Variants in CFAP69 observed in about 807,000 individuals in gnomAD.
The protein encoded by CFAP69 is cilia and flagella associated protein 69, also known as cilia- and flagella-associated protein 69.
In CFAP69, 92 loss-of-function variants were observed where a neutral mutation model predicts 123.0. The ratio of observed to expected loss-of-function variants is 0.75; its 90% CI spans 0.63 to 0.89. The LOEUF (loss-of-function observed/expected upper bound fraction) is 0.89, where lower values mean the gene tolerates loss of function less well. Ranked by LOEUF, CFAP69 falls within the 40% of genes least tolerant of loss-of-function variation. The pLI is 0.00. For missense variants in CFAP69, 1,067 were observed against 1,096.9 expected (o/e 0.97, Z 0.39); for synonymous variants, 380 against 364.3 (o/e 1.04, Z -0.49).
chr7:90,288,310 T>A lies in CFAP69; in HGVS notation c.1733T>A (p.Leu578Ter). ...KTDPRKLQSG[L>*]GYNVLLFSTL... ...GACCCCAGGAAGTTACAGAGTGGCT[T>A]AGGCTATAATGTACTTCTTTTTAGT... Residue 578 changes from leucine to a stop codon, truncating the protein, a stop_gained, in exon 15 of 23, where the codon TTA becomes TAA. Transcript: ENST00000389297. LOFTEE classifies it high-confidence loss of function. 1 of 1,612,242 alleles carries A rather than the reference T, an allele frequency of 6.2e-7. No homozygotes were observed. The highest frequency in any genetic ancestry group is 8.5e-7 in the Non-Finnish European group (1 of 1,178,698).
Position 90,297,768 on chromosome 7 carries a change from T to C in CFAP69, c.1795T>C (p.Tyr599His). ...DSIWCCILGC[Y>H]PSEDYFLEKE... ...TTTAAGGTGCTGTATTTTGGGATGT[T>C]ATCCCTCAGAGGATTATTTTCTTGA... Residue 599 changes from tyrosine to histidine, a missense_variant, in exon 16 of 23, where the codon TAT becomes CAT. Coordinates refer to ENST00000389297, the MANE Select transcript of CFAP69 (RefSeq NM_001039706.3). The C allele has an allele frequency of 6.3e-7, 1 of 1,575,120 alleles. No individual in the cohort carries two copies. Among genetic ancestry groups the C allele is most frequent in the Non-Finnish European group, 8.6e-7 (1 of 1,167,954 alleles).
At chr7:90,262,263 A>G (rs1798435860) in intron 4 of CFAP69, among the ~76,000 whole-genome samples, 1 of 152,150 alleles carries the variant, frequency 6.6e-6, no homozygotes, top group Non-Finnish European at 1.5e-5. Flanking sequence ...ATTAAATTCT[A>G]AGTATATTGA....
At chr7:90,318,114 T>C in the CFAP69 span, 1 of 152,188 alleles carries the variant, frequency 6.6e-6, no homozygotes, top group Non-Finnish European at 1.5e-5. Flanking sequence ...TTTTACGACA[T>C]GCATTCAAAA....
At chr7:90,265,615 G>A (rs956733645) in intron 5 of CFAP69, among the ~76,000 whole-genome samples, 3 of 152,192 alleles carry the variant, frequency 2.0e-5, no homozygotes, top group African/African-American at 7.2e-5. Flanking sequence ...GGCTGATAAT[G>A]TAGTTTGATG....
At chr7:90,265,060 G>A (rs1165933713) in intron 4 of CFAP69, among the ~76,000 whole-genome samples, 4 of 152,082 alleles carry the variant, frequency 2.6e-5, no homozygotes, top group Non-Finnish European at 5.9e-5. Context: ...CCAAGGCGCT[G>A]GGATTACAGG....
chr7:90,263,908 G>A (rs921462442), intron 4 of CFAP69, among the ~76,000 whole-genome samples: 6 of 151,444 alleles, frequency 4.0e-5, no homozygotes, highest in Non-Finnish European at 8.8e-5. Flanking sequence ...GGATAACACG[G>A]TGAAACCCCA....
chr7:90,309,514 C>CA (rs890636492), intron 22 of CFAP69, 147 bp downstream of exon 22: 12 of 404,850 alleles, frequency 3.0e-5, no homozygotes, highest in South Asian at 1.3e-4. Context: ...TAAAACTGTT[C>CA]AAAAAAAATT....
Position 90,286,396 on chromosome 7 carries a change from G to T in CFAP69, c.1653G>T (p.Arg551Ser). 1 of 1,611,348 alleles carries T rather than the reference G, an allele frequency of 6.2e-7. No homozygotes were observed. The highest frequency in any genetic ancestry group is 8.5e-7 in the Non-Finnish European group (1 of 1,179,080). ...GCCTTTGTGAGAATCACATTCAAAG[G>T]AAGGTATGTATGCCTGTGAAAGTTT... ...LSGLCENHIQ[R>S]KEIFGTEGVD... The change falls in exon 14 of 23, where the codon AGG (arginine) becomes AGT (serine). Residue 551 changes from arginine to serine, a missense_variant. By Grantham distance (110) the Arg-to-Ser change is moderately radical. Coordinates refer to ENST00000389297, the MANE Select transcript of CFAP69 (RefSeq NM_001039706.3).
At chr7:90,311,761 C>T (rs1379739330), downstream of CFAP69, among the ~76,000 whole-genome samples, 1 of 152,114 alleles carries the variant, frequency 6.6e-6, no homozygotes, top group Non-Finnish European at 1.5e-5. Flanking sequence ...CTTAGATTGG[C>T]GGCTTCTCAC....
At chr7:90,291,013 G>T (rs943733265) in intron 15 of CFAP69, among the ~76,000 whole-genome samples, 2 of 152,016 alleles carry the variant, frequency 1.3e-5, no homozygotes, top group African/African-American at 4.8e-5. Context: ...CATGTGAGCT[G>T]CACAAACCAA....
rs1475270482 is a variant in CFAP69, at chr7:90,304,087, T to A, written c.2169T>A (p.Tyr723Ter). ...DVSENIRAKI[Y>*]AILGKLDFEN... ...CTGAGAATATTAGAGCAAAAATTTA[T>A]GCTATATTGGGCAAACTAGGTAAGA... Residue 723 changes from tyrosine (Y) to a stop codon, truncating the protein, a stop_gained, in exon 18 of 23, where the codon TAT becomes TAA. Coordinates refer to ENST00000389297, the MANE Select transcript of CFAP69 (RefSeq NM_001039706.3). LOFTEE classifies it high-confidence loss of function. 1 of 1,550,570 alleles carries A rather than the reference T, an allele frequency of 6.4e-7. No individual in the cohort carries two copies. The highest frequency in any genetic ancestry group is 8.7e-7 in the Non-Finnish European group (1 of 1,146,382).
At chr7:90,297,857 A>G in intron 16 of CFAP69, 27 bp downstream of exon 16, 1 of 1,468,986 alleles carries the variant, frequency 6.8e-7, no homozygotes, top group Non-Finnish European at 9.3e-7. Flanking sequence ...CAATCATAAG[A>G]CAAAAGACAA....
intron 12 of CFAP69, among the ~76,000 whole-genome samples, chr7:90,280,338 C>T (rs547674865): frequency 6.6e-6 from 1 of 152,134 alleles, no homozygotes; most frequent in Non-Finnish European, 1.5e-5. Flanking sequence ...GCTGGGACTA[C>T]AAGTTCATGC....
chr7:90,307,726 GAAA>G, intron 20 of CFAP69, 39 bp from the exon 21 acceptor site: 1 of 1,243,986 alleles, frequency 8.0e-7, no homozygotes, highest in East Asian at 2.6e-5. Context: ...AAAAAAAAAA[GAAA>G]AAAAAGAAAC....
intron 9 of CFAP69, among the ~76,000 whole-genome samples, chr7:90,275,589 C>CGTTT (rs1562875616): frequency 2.2e-5 from 2 of 91,536 alleles, no homozygotes; most frequent in African/African-American, 8.2e-5. Flanking sequence ...AGGCCAAAAG[C>CGTTT]CTTTTTTTTT....
At chr7:90,283,719 AC>A (rs1323019941) in intron 13 of CFAP69, among the ~76,000 whole-genome samples, 5 of 152,136 alleles carry the variant, frequency 3.3e-5, no homozygotes, top group Non-Finnish European at 5.9e-5. Flanking sequence ...TAGATCCTTG[AC>A]TTTGAAAAGA....
chr7:90,312,531 A>G (rs996969024), downstream of CFAP69: 3 of 152,236 alleles, frequency 2.0e-5, no homozygotes, highest in South Asian at 2.1e-4. Flanking sequence ...CAGCTATTTA[A>G]TAGACAAATA....
At chr7:90,247,822 C>T (rs1039967679) in intron 1 of CFAP69, among the ~76,000 whole-genome samples, 5 of 151,926 alleles carry the variant, frequency 3.3e-5, no homozygotes, top group African/African-American at 7.3e-5. Flanking sequence ...TCCAGCCTGG[C>T]GACAGAGTGA....
At chr7:90,250,344 T>C (rs1373246527) in intron 1 of CFAP69, among the ~76,000 whole-genome samples, 1 of 152,202 alleles carries the variant, frequency 6.6e-6, no homozygotes, top group South Asian at 2.1e-4. Context: ...GCTACGTGGC[T>C]TTAACAAGTT....
Sources: allele counts gnomAD v4.1 joint callset (sites outside exome capture counted in the v4.1 genomes callset), GRCh38; gene constraint gnomAD v4.1.1; transcripts MANE v1.5; gene names NCBI Gene and HGNC (gene_info 2026-07-23, HGNC 2026-07-21).